TANC1: variants seen among roughly 807,000 people sequenced by gnomAD.
TANC1 encodes the protein protein TANC1.
Under a neutral mutation model 149.7 loss-of-function variants are expected in TANC1, and 77 were observed. The observed-to-expected ratio is 0.51, with a 90% CI of 0.43 to 0.62. The LOEUF (loss-of-function observed/expected upper bound fraction) is 0.62. TANC1 is among the 20% of genes least tolerant of loss of function. The pLI is 0.00. For missense variants in TANC1, 1,985 were observed against 2,321.8 expected, an observed-to-expected ratio of 0.85 and a Z score of 2.98; for synonymous variants, 854 against 925.0, an observed-to-expected ratio of 0.92 and a Z score of 1.39.
At position 159,192,469 on chromosome 2, in the gene TANC1, A is replaced by C. The variant is rs375238898; in HGVS notation, c.2743-1788A>C. On this transcript the variant is annotated intron_variant, in intron 16 of 26. Transcript: ENST00000263635. ...CAGCCACAATTATTACTTCATTACCAGGAAAATGAATTTCCTGGTTTTGTT... is the reference window on the plus strand; with the variant it reads ...CAGCCACAATTATTACTTCATTACCCGGAAAATGAATTTCCTGGTTTTGTT... 1.5e-3 allele frequency among the ~76,000 whole-genome samples: 222 copies of C among 152,170 alleles called. 2 individuals carry two copies. The highest frequency in any genetic ancestry group is 5.2e-3 in the African/African-American group (214 of 41,518).
chr2:159,065,754 A>T lies in TANC1; in HGVS notation c.-15-142A>T, dbSNP rs568288790. On this transcript the variant is annotated intron_variant, in intron 2 of 26. Transcript: ENST00000263635. ...TAGTTTCCCACCATAGTTTATTCAA[A>T]GAAAATTAATGTAAGGCTTAGGGTA... 35 of 588,400 alleles carry T rather than the reference A, an allele frequency of 5.9e-5. No individual in the cohort carries two copies. The Admixed American group carries it at 8.3e-4, about 14-fold the overall frequency. 36.4% of individuals were successfully genotyped at this position (588,400 alleles called of 1,614,324 possible). A position where few individuals can be genotyped will look rare whatever the true frequency, so the allele number is the denominator to read the frequency against.
At chr2:159,095,280 A>T (rs1278079586) in intron 3 of TANC1, among the ~76,000 whole-genome samples, 3 of 152,128 alleles carry the variant, frequency 2.0e-5, no homozygotes, top group Non-Finnish European at 4.4e-5. Context: ...GTTTCTTCAA[A>T]TGCCAGTCAT....
chr2:159,172,221 T>G lies in TANC1; in HGVS notation c.1452T>G (p.Ser484Arg). 1 of 1,614,196 alleles carries G rather than the reference T, an allele frequency of 6.2e-7. No homozygotes were observed. The highest frequency in any genetic ancestry group is 8.5e-7 in the Non-Finnish European group (1 of 1,180,016). Residue 484 changes from serine (S) to arginine (R), a missense_variant, in exon 11 of 27, where the codon AGT becomes AGG. Physicochemically the swap from Ser to Arg is moderately radical, Grantham distance 110. Around this residue, in one of 3 missense-constraint regions of TANC1, gnomAD observed 557 missense variants for 612.9 expected, o/e 0.91. Transcript: ENST00000263635. ...STAKTPLGSI[S>R]AENQRPREDA... ...CTAAAACACCTCTTGGGTCTATCAG[T>G]GCTGAAAACCAGAGACCAAGAGAGG...
At chr2:159,129,130 A>G (rs1298685110) in intron 4 of TANC1, among the ~76,000 whole-genome samples, 1 of 152,192 alleles carries the variant, frequency 6.6e-6, no homozygotes, top group Non-Finnish European at 1.5e-5. Context: ...GAAAAATGTA[A>G]GATCCACTTT....
At chr2:158,979,511 GAAA>G (rs377095829) in intron 1 of TANC1, among the ~76,000 whole-genome samples, 1 of 142,964 alleles carries the variant, frequency 7.0e-6, no homozygotes, top group African/African-American at 2.6e-5. Flanking sequence ...AAAGAAAAAA[GAAA>G]AAAAAAAACT....
chr2:159,154,115 G>T (rs951314248), intron 7 of TANC1, among the ~76,000 whole-genome samples: 1 of 152,126 alleles, frequency 6.6e-6, no homozygotes, highest in Non-Finnish European at 1.5e-5. Context: ...AGAGGCTTTG[G>T]GGGTGGACTG....
chr2:159,195,990 T>C (rs1192133241), intron 17 of TANC1, among the ~76,000 whole-genome samples: 1 of 152,180 alleles, frequency 6.6e-6, no homozygotes, highest in Non-Finnish European at 1.5e-5. Flanking sequence ...GGAGTAGGTG[T>C]GTGGCACTCA....
intron 1 of TANC1, among the ~76,000 whole-genome samples, chr2:158,984,665 AGGAGGAGGAGGAGTAGGG>A (rs913489471): frequency 2.0e-5 from 3 of 151,904 alleles, no homozygotes; most frequent in African/African-American, 7.3e-5. Flanking sequence ...TAGGGAGTGC[AGGAGGAGGAGGAGTAGGG>A]GGAGGAGGAG....
intron 4 of TANC1, among the ~76,000 whole-genome samples, chr2:159,127,885 C>T (rs1006715819): frequency 1.3e-5 from 2 of 152,244 alleles, no homozygotes; most frequent in African/African-American, 4.8e-5. Context: ...AAAAAAGGAG[C>T]ATGGCTCCAG....
At chr2:159,159,305 G>T (rs1345561376) in intron 7 of TANC1, among the ~76,000 whole-genome samples, 3 of 151,956 alleles carry the variant, frequency 2.0e-5, no homozygotes, top group Non-Finnish European at 4.4e-5. Context: ...AATTAGCAAG[G>T]TGTGGTACCT....
At chr2:159,053,124 C>T (rs534531147) in intron 2 of TANC1, among the ~76,000 whole-genome samples, 1 of 91,962 alleles carries the variant, frequency 1.1e-5, no homozygotes, top group South Asian at 3.9e-4. Flanking sequence ...AACATTAAAC[C>T]TGAATTTTTT....
intron 4 of TANC1, among the ~76,000 whole-genome samples, chr2:159,098,750 CAG>C (rs2046380735): frequency 6.6e-6 from 1 of 151,948 alleles, no homozygotes; most frequent in African/African-American, 2.4e-5. Flanking sequence ...AAAAACAAAA[CAG>C]AACTTTGAGA....
intron 14 of TANC1, among the ~76,000 whole-genome samples, chr2:159,181,404 C>A (rs1346271418): frequency 6.6e-6 from 1 of 151,952 alleles, no homozygotes; most frequent in Non-Finnish European, 1.5e-5. Context: ...TCACACCATT[C>A]TCCTGCCTCA....
At chr2:158,983,234 A>T (rs1339115741) in intron 1 of TANC1, among the ~76,000 whole-genome samples, 3 of 151,842 alleles carry the variant, frequency 2.0e-5, no homozygotes, top group African/African-American at 7.2e-5. Context: ...TGGGAGGCCG[A>T]GGTGGGTTGG....
chr2:159,223,293 T>A (rs1403962069), intron 22 of TANC1, among the ~76,000 whole-genome samples: 1 of 152,182 alleles, frequency 6.6e-6, no homozygotes, highest in Non-Finnish European at 1.5e-5. Flanking sequence ...GTGCTTTTTT[T>A]AATAGTAGCT....
At chr2:159,164,154 C>G (rs1401941632) in intron 8 of TANC1, among the ~76,000 whole-genome samples, 2 of 152,042 alleles carry the variant, frequency 1.3e-5, no homozygotes, top group Non-Finnish European at 2.9e-5. Context: ...TGTCAGTAGT[C>G]AGACTGGTCA....
intron 2 of TANC1, among the ~76,000 whole-genome samples, chr2:159,042,394 G>T (rs2040715431): frequency 6.6e-6 from 1 of 152,184 alleles, no homozygotes; most frequent in African/African-American, 2.4e-5. Context: ...TGTTCTCCAG[G>T]ACGTGTAGCA....
At chr2:158,993,769 CTTGTTAAATTTTT>C (rs950241155) in intron 1 of TANC1, among the ~76,000 whole-genome samples, 1 of 152,036 alleles carries the variant, frequency 6.6e-6, no homozygotes, top group Admixed American at 6.6e-5. Flanking sequence ...CTTAAATTTT[CTTGTTAAATTTTT>C]AAAAAGTTAA....
chr2:159,094,029 A>G (rs1484630651), intron 3 of TANC1, among the ~76,000 whole-genome samples: 2 of 152,198 alleles, frequency 1.3e-5, no homozygotes, highest in African/African-American at 2.4e-5. Context: ...CCTTTTCTCA[A>G]TGCTGTTTAT....
Sources: gnomAD v4.1 joint callset for allele counts (sites outside exome capture counted in the v4.1 genomes callset) on GRCh38, gnomAD v4.1.1 for gene constraint, gnomAD v4.1.1 regional missense constraint, MANE v1.5 for transcripts, NCBI Gene and HGNC (gene_info 2026-07-23, HGNC 2026-07-21) for gene names.